NRXN3: variants seen among roughly 807,000 people sequenced by gnomAD.
NRXN3 encodes the protein neurexin III.
A neutral mutation model predicts 137.6 loss-of-function variants in NRXN3; 32 were observed. The ratio of observed to expected loss-of-function variants is 0.23; its 90% CI spans 0.18 to 0.31. The LOEUF (loss-of-function observed/expected upper bound fraction) is 0.31, where lower values mean the gene tolerates loss of function less well. NRXN3 is among the 10% of genes least tolerant of loss of function. The pLI, the probability that NRXN3 is intolerant of heterozygous loss-of-function variation, is 1.00. For missense variants in NRXN3, 1,574 were observed against 2,062.5 expected (o/e 0.76, Z 4.59); for synonymous variants, 798 against 784.5 (o/e 1.02, Z -0.29).
chr14:79,845,749 G>A (rs1182103244), intron 20 of NRXN3, among the ~76,000 whole-genome samples: 1 of 77,860 alleles, frequency 1.3e-5, no homozygotes, highest in Admixed American at 1.3e-4. Context: ...AGAGGGAGAC[G>A]GGGAGAGAGA....
intron 4 of NRXN3, among the ~76,000 whole-genome samples, chr14:78,373,982 G>A (rs2087337411): frequency 6.6e-6 from 1 of 152,168 alleles, no homozygotes; most frequent in Non-Finnish European, 1.5e-5. Flanking sequence ...TGTTAAGTGA[G>A]TTGTTGACTT....
intron 15 of NRXN3, among the ~76,000 whole-genome samples, chr14:79,295,342 G>A (rs2083886263): frequency 6.6e-6 from 1 of 151,872 alleles, no homozygotes. Flanking sequence ...CTTCCTTAAT[G>A]ACCCAGTCTA....
intron 19 of NRXN3, among the ~76,000 whole-genome samples, chr14:79,764,161 TGGG>T (rs760890741): frequency 7.3e-5 from 6 of 81,776 alleles, no homozygotes; most frequent in African/African-American, 3.5e-4. Flanking sequence ...TTTCTTTTGG[TGGG>T]TGGGGGGGGT....
At chr14:78,201,082 C>T (rs140409733) in intron 1 of NRXN3, among the ~76,000 whole-genome samples, 1 of 152,150 alleles carries the variant, frequency 6.6e-6, no homozygotes, top group East Asian at 1.9e-4. Flanking sequence ...TTACATCATG[C>T]TGGAAGCAGA....
intron 15 of NRXN3, among the ~76,000 whole-genome samples, chr14:79,051,043 T>G (rs2099641122): frequency 6.6e-6 from 1 of 152,202 alleles, no homozygotes; most frequent in Admixed American, 6.5e-5. Flanking sequence ...GTTATCCTCA[T>G]TTTATTGCTG....
chr14:78,575,622 C>G (rs1016930629), intron 4 of NRXN3, among the ~76,000 whole-genome samples: 3 of 151,994 alleles, frequency 2.0e-5, no homozygotes, highest in African/African-American at 7.3e-5. Context: ...AACAAAAATT[C>G]CTTAGAGTTT....
In NRXN3 at chr14:78,655,301, C is replaced by T. The variant is rs149369432; in HGVS notation, c.1221+3975C>T. ...AGCATTGCAAAATACAATGTTTTTG[C>T]TTATAATAATTATTAAGGATTATAT... On this transcript the variant is annotated intron_variant, in intron 6 of 20. Transcript: ENST00000335750. Among the ~76,000 whole-genome samples the T allele has an allele frequency of 2.0e-5, 3 of 152,080 alleles. No homozygotes were observed. In the East Asian group the frequency reaches 5.8e-4, roughly 29 times the overall value.
chr14:79,436,060 C>A (rs1016014062), intron 15 of NRXN3, among the ~76,000 whole-genome samples: 1 of 152,126 alleles, frequency 6.6e-6, no homozygotes, highest in African/African-American at 2.4e-5. Context: ...CCACTGCCTC[C>A]ATGTGTCTAA....
At chr14:79,235,115 G>A (rs1234533214) in intron 15 of NRXN3, among the ~76,000 whole-genome samples, 1 of 152,000 alleles carries the variant, frequency 6.6e-6, no homozygotes, top group African/African-American at 2.4e-5. Flanking sequence ...AGTTCTGTTA[G>A]TCTTCTCTTC....
intron 6 of NRXN3, among the ~76,000 whole-genome samples, chr14:78,693,395 TA>T (rs2098192348): frequency 6.6e-6 from 1 of 151,990 alleles, no homozygotes. Context: ...GTAGTTCTCA[TA>T]AAACTTGTTT....
At chr14:78,345,830 C>A (rs1208546141) in intron 4 of NRXN3, among the ~76,000 whole-genome samples, 1 of 152,136 alleles carries the variant, frequency 6.6e-6, no homozygotes, top group East Asian at 1.9e-4. Flanking sequence ...GTTGACAATA[C>A]CGAGGGAAAC....
At chr14:79,283,293 T>C (rs1480286130) in intron 15 of NRXN3, among the ~76,000 whole-genome samples, 1 of 152,160 alleles carries the variant, frequency 6.6e-6, no homozygotes, top group Admixed American at 6.5e-5. Context: ...AGAATCTTCT[T>C]TGGACTTAAG....
chr14:78,372,373 C>A (rs892825715), intron 4 of NRXN3, among the ~76,000 whole-genome samples: 1 of 151,336 alleles, frequency 6.6e-6, no homozygotes, highest in Admixed American at 6.6e-5. Flanking sequence ...GAGACTTGCT[C>A]TGTTGCCCAG....
At chr14:79,139,449 AT>A (rs1186371149) in intron 15 of NRXN3, among the ~76,000 whole-genome samples, 4 of 152,172 alleles carry the variant, frequency 2.6e-5, no homozygotes, top group African/African-American at 9.6e-5. Context: ...TATGAGATTT[AT>A]GGGTTTCACT....
At chr14:78,557,559 T>C (rs969069431) in intron 4 of NRXN3, among the ~76,000 whole-genome samples, 1 of 152,204 alleles carries the variant, frequency 6.6e-6, no homozygotes, top group Non-Finnish European at 1.5e-5. Flanking sequence ...AGAACCAAGA[T>C]GCGTAAAGTT....
At chr14:79,343,696 C>T (rs1361781486) in intron 15 of NRXN3, among the ~76,000 whole-genome samples, 1 of 152,166 alleles carries the variant, frequency 6.6e-6, no homozygotes, top group Admixed American at 6.5e-5. Flanking sequence ...TTTGTCCCAT[C>T]AATCTCAGGA....
At chr14:78,808,440 A>G (rs1409251774) in intron 9 of NRXN3, among the ~76,000 whole-genome samples, 1 of 152,154 alleles carries the variant, frequency 6.6e-6, no homozygotes, top group East Asian at 1.9e-4. Flanking sequence ...AAGCGTGCCC[A>G]TACACCAGTT....
In NRXN3 at chr14:78,957,284, A is replaced by G. The variant is rs2152966955; in HGVS notation, c.2318A>G (p.Asp773Gly). 1 of 1,614,184 alleles carries G rather than the reference A, an allele frequency of 6.2e-7. No homozygotes were observed. Among genetic ancestry groups the G allele is most frequent in the Non-Finnish European group, 8.5e-7 (1 of 1,180,022 alleles). ...ETLYAGQKLN[D>G]NEWHTVRVVR... ...TTGTATGCAGGGCAGAAGCTCAATG[A>G]CAACGAGTGGCACACCGTTCGGGTG... is the stretch of plus-strand genomic sequence containing the variant. Residue 773 changes from aspartate to glycine, a missense_variant, in exon 11 of 21, where the codon GAC (aspartate) becomes GGC (glycine). Asp to Gly is a moderately conservative substitution (Grantham distance 94). This residue lies in a region of NRXN3 where 718 missense variants were observed against 887.6 expected (regional missense o/e 0.81). Transcript: ENST00000335750.
At chr14:79,024,961 T>A (rs549709967) in intron 15 of NRXN3, among the ~76,000 whole-genome samples, 1 of 152,156 alleles carries the variant, frequency 6.6e-6, no homozygotes, top group Non-Finnish European at 1.5e-5. Context: ...TTGAGACTCA[T>A]AGAGGCATAA....
Sources: allele counts gnomAD v4.1 joint callset (sites outside exome capture counted in the v4.1 genomes callset), GRCh38; gene constraint gnomAD v4.1.1; regional missense constraint gnomAD v4.1.1; transcripts MANE v1.5; gene names NCBI Gene and HGNC (gene_info 2026-07-23, HGNC 2026-07-21).